PDZD2: variants seen among roughly 807,000 people sequenced by gnomAD.
PDZD2 encodes the protein PDZ domain-containing protein 2.
A neutral mutation model predicts 220.7 loss-of-function variants in PDZD2; 90 were observed. That is an observed-to-expected ratio of 0.41 (90% CI 0.34 to 0.49). The LOEUF (loss-of-function observed/expected upper bound fraction) is 0.49, where lower values mean the gene tolerates loss of function less well. Ranked by LOEUF, PDZD2 falls within the 20% of genes least tolerant of loss-of-function variation. The pLI is 0.28. For synonymous variants in PDZD2, 1,375 were observed against 1,450.5 expected (o/e 0.95, Z 1.18); for missense variants, 3,174 against 3,608.5 (o/e 0.88, Z 3.08).
chr5:31,983,081 T>G, intron 2 of PDZD2, 74 bp from the exon 3 acceptor site: 1 of 1,499,026 alleles, frequency 6.7e-7, no homozygotes, highest in South Asian at 1.3e-5. Context: ...GGTGGACCCT[T>G]GAACGCGTCT....
chr5:32,071,231 C>T (rs1740709095), intron 15 of PDZD2, among the ~76,000 whole-genome samples, 153 bp from the exon 16 acceptor site: 1 of 152,160 alleles, frequency 6.6e-6, no homozygotes, highest in South Asian at 2.1e-4. Context: ...AGGTAGACTG[C>T]ATGCACGTCT....
At chr5:32,077,717 G>GATTAC in intron 19 of PDZD2, 111 bp downstream of exon 19, 1 of 1,163,374 alleles carries the variant, frequency 8.6e-7, no homozygotes, top group Non-Finnish European at 1.2e-6. Context: ...AGCACTCTGG[G>GATTAC]AGGCCGAGGT....
intron 2 of PDZD2, among the ~76,000 whole-genome samples, chr5:31,932,489 C>T (rs1745380419): frequency 6.6e-6 from 1 of 152,084 alleles, no homozygotes; most frequent in Admixed American, 6.6e-5. Flanking sequence ...GCGGAGGCTG[C>T]AGTGAGCCAA....
At chr5:32,052,762 C>G in intron 9 of PDZD2, 32 bp downstream of exon 9, 1 of 1,603,540 alleles carries the variant, frequency 6.2e-7, no homozygotes, top group Non-Finnish European at 8.5e-7. Context: ...GTTCTGCCTT[C>G]TGGGTGAATC....
chr5:31,710,107 A>AT (rs1748019640), intron 1 of PDZD2, among the ~76,000 whole-genome samples: 1 of 152,184 alleles, frequency 6.6e-6, no homozygotes, highest in Admixed American at 6.5e-5. Context: ...AAAGTGAAGA[A>AT]CCTGTGAAGG....
At chr5:31,783,562 C>T (rs11954041) in intron 1 of PDZD2, among the ~76,000 whole-genome samples, 1,616 of 152,328 alleles carry the variant, frequency 0.011, 26 homozygotes, top group African/African-American at 0.037. Flanking sequence ...GAGATTGATA[C>T]TGAACTTGGA....
chr5:31,835,031 T>C (rs1756864003), intron 2 of PDZD2, among the ~76,000 whole-genome samples: 1 of 152,130 alleles, frequency 6.6e-6, no homozygotes, highest in African/African-American at 2.4e-5. Context: ...CAGGAATATT[T>C]GCTTTTGAGA....
At chr5:31,707,856 G>A (rs935292234) in intron 1 of PDZD2, among the ~76,000 whole-genome samples, 2 of 152,116 alleles carry the variant, frequency 1.3e-5, no homozygotes, top group Non-Finnish European at 2.9e-5. Context: ...TCGAACTCCT[G>A]GCCTCAAGTG....
intron 5 of PDZD2, among the ~76,000 whole-genome samples, chr5:32,008,048 G>A (rs552121080): frequency 2.0e-5 from 3 of 152,094 alleles, no homozygotes; most frequent in Admixed American, 6.6e-5. Flanking sequence ...CCAACACTTC[G>A]GGAGGCTGAG....
intron 2 of PDZD2, among the ~76,000 whole-genome samples, chr5:31,881,536 C>A (rs188412524): frequency 6.6e-6 from 1 of 151,700 alleles, no homozygotes; most frequent in African/African-American, 2.4e-5. Flanking sequence ...TGCTACCATG[C>A]CTGGCAAATT....
At chr5:32,048,493 CT>C in intron 7 of PDZD2, 45 bp from the exon 8 acceptor site, 1 of 1,558,650 alleles carries the variant, frequency 6.4e-7, no homozygotes, top group Non-Finnish European at 8.8e-7. Flanking sequence ...GCTTACGATT[CT>C]TTTTGTCCCA....
chr5:31,717,445 G>C (rs253926), intron 1 of PDZD2, among the ~76,000 whole-genome samples: 124,668 of 152,144 alleles, frequency 0.82, 51,346 homozygotes, highest in East Asian at 0.94. Flanking sequence ...AAACCTACTT[G>C]TCCTAGGGTC....
At chr5:31,860,912 G>A (rs1737643730) in intron 2 of PDZD2, among the ~76,000 whole-genome samples, 1 of 152,158 alleles carries the variant, frequency 6.6e-6, no homozygotes, top group Admixed American at 6.6e-5. Flanking sequence ...GCGTGGTGGT[G>A]TGGTCAGGTG....
intron 1 of PDZD2, among the ~76,000 whole-genome samples, chr5:31,663,339 G>T (rs539721239): frequency 6.6e-6 from 1 of 152,222 alleles, no homozygotes; most frequent in African/African-American, 2.4e-5. Flanking sequence ...GCTTTCTAAG[G>T]GTCACACAGT....
chr5:32,031,650 G>A (rs987012935), intron 6 of PDZD2, among the ~76,000 whole-genome samples: 3 of 152,066 alleles, frequency 2.0e-5, no homozygotes, highest in Non-Finnish European at 4.4e-5. Context: ...TAGAGCTACA[G>A]TCTATGTAAT....
At chr5:32,073,244 G>A (rs1370790512) in intron 17 of PDZD2, among the ~76,000 whole-genome samples, 1 of 152,192 alleles carries the variant, frequency 6.6e-6, no homozygotes, top group Non-Finnish European at 1.5e-5. Context: ...ACATTTCAAG[G>A]TGCAAACGTG....
intron 4 of PDZD2, among the ~76,000 whole-genome samples, chr5:31,999,846 T>C (rs1166905137): frequency 5.3e-5 from 8 of 152,194 alleles, no homozygotes; most frequent in Admixed American, 4.6e-4. Flanking sequence ...TTGGTTCCTC[T>C]ATCAACATCT....
chr5:31,750,448 C>T (rs1002884051), intron 1 of PDZD2, among the ~76,000 whole-genome samples: 2 of 152,170 alleles, frequency 1.3e-5, no homozygotes, highest in Non-Finnish European at 2.9e-5. Context: ...AACGCTACAG[C>T]GAACAAAACA....
At position 32,089,658 on chromosome 5, in the gene PDZD2, G is replaced by A. The variant is rs149758462; in HGVS notation, c.6210G>A (p.Pro2070=). 67 of 1,614,036 alleles carry A rather than the reference G, an allele frequency of 4.2e-5. No homozygotes were observed. In the Middle Eastern group the frequency reaches 4.9e-4, roughly 12 times the overall value. The change falls in exon 20 of 25, where the codon CCG becomes CCA. Residue 2070 remains proline (P), a synonymous_variant. Coordinates refer to ENST00000438447, the MANE Select transcript of PDZD2 (RefSeq NM_178140.4). ...HVAADTAQPR[P]TGEKGGNIMA... is the part of the protein sequence containing the mutation. ...CAGCAGACACAGCCCAACCCAGGCC[G>A]ACTGGCGAAAAAGGAGGCAACATAA...
Sources: allele counts gnomAD v4.1 joint callset (sites outside exome capture counted in the v4.1 genomes callset), GRCh38; gene constraint gnomAD v4.1.1; transcripts MANE v1.5; gene names NCBI Gene and HGNC (gene_info 2026-07-23, HGNC 2026-07-21).